UTP25: variants seen among roughly 807,000 people sequenced by gnomAD.
The protein encoded by UTP25 is UTP25 small subunit processome component, also known as U3 small nucleolar RNA-associated protein 25 homolog.
A neutral mutation model predicts 78.9 loss-of-function variants in UTP25; 50 were observed. The ratio of observed to expected loss-of-function variants is 0.63; its 90% CI spans 0.50 to 0.80. The LOEUF (loss-of-function observed/expected upper bound fraction) is 0.80. Among genes scored for constraint, UTP25 ranks in the 30% least tolerant of loss-of-function variants. The probability of loss-of-function intolerance (pLI) is 0.00; values close to 1 mark genes in which losing one functional copy is unlikely to be tolerated. For missense variants in UTP25, 846 were observed against 911.3 expected, an observed-to-expected ratio of 0.93 and a Z score of 0.92; for synonymous variants, 329 against 336.5, an observed-to-expected ratio of 0.98 and a Z score of 0.24.
At chr1:209,847,025 G>A (rs2078201009) in intron 11 of UTP25, among the ~76,000 whole-genome samples, 1 of 151,866 alleles carries the variant, frequency 6.6e-6, no homozygotes. Flanking sequence ...ATGCACACGT[G>A]CACACACACA....
chr1:209,851,579 T>C lies in UTP25; in HGVS notation c.*132T>C, dbSNP rs145935429. ...AGTGCATGAGGCAATGTCAGTATTA[T>C]CTGACATCTTTCTTTTCAGGTCATG... On this transcript the variant is annotated 3_prime_UTR_variant, in exon 12 of 12. Transcript: ENST00000491415. 483 of 1,167,776 alleles carry C rather than the reference T, an allele frequency of 4.1e-4. No homozygotes were observed. In the African/African-American group the frequency reaches 4.4e-3, roughly 11 times the overall value. The allele number at this position is 1,167,776 out of a possible 1,614,324, so 72.3% of individuals were successfully genotyped here. A position where few individuals can be genotyped will look rare whatever the true frequency, so the allele number is the denominator to read the frequency against.
chr1:209,850,690 G>A (rs908654333), intron 11 of UTP25, among the ~76,000 whole-genome samples: 1 of 152,208 alleles, frequency 6.6e-6, no homozygotes, highest in Non-Finnish European at 1.5e-5. Flanking sequence ...CTTGGGCAGG[G>A]TTTTGTAAAT....
At chr1:209,849,316 T>C (rs1181050037) in intron 11 of UTP25, among the ~76,000 whole-genome samples, 1 of 152,080 alleles carries the variant, frequency 6.6e-6, no homozygotes, top group East Asian at 1.9e-4. Flanking sequence ...ACTCTGCTTG[T>C]ATCAGTGCAG....
chr1:209,839,614 GTC>G (rs1479050565), intron 7 of UTP25, among the ~76,000 whole-genome samples: 1 of 152,138 alleles, frequency 6.6e-6, no homozygotes, highest in Non-Finnish European at 1.5e-5. Flanking sequence ...ATTTTTGCTT[GTC>G]TCTCATTCAG....
rs1016727489 is a variant in UTP25 at position 209,840,626 on chromosome 1, A to G, written c.1283-227A>G. ...AGAGAATTCTCTGGAGCAGTTTGATAGTGACGGAAAGGAAGAGAAGGTAGA... is the reference window on the plus strand; with the variant it reads ...AGAGAATTCTCTGGAGCAGTTTGATGGTGACGGAAAGGAAGAGAAGGTAGA... On this transcript the variant is annotated intron_variant, in intron 7 of 11. Coordinates refer to ENST00000491415, the MANE Select transcript of UTP25 (RefSeq NM_014388.7). 4.9e-4 allele frequency among the ~76,000 whole-genome samples: 75 copies of G among 152,218 alleles called. 1 individual carries two copies. The highest frequency in any genetic ancestry group is 1.3e-4 in the Admixed American group (2 of 15,294).
intron 3 of UTP25, among the ~76,000 whole-genome samples, chr1:209,831,897 AC>A (rs2078105821): frequency 6.6e-6 from 1 of 151,992 alleles, no homozygotes; most frequent in South Asian, 2.1e-4. Flanking sequence ...TTAGTCACTT[AC>A]TACTTTTTAG....
rs1202643875 is a variant in UTP25 at position 209,856,421 on chromosome 1, C to T, written c.*4974C>T. ...AAAACTCAGAGGAGCACCACTTTTA[C>T]CTTCTGCTCTTCCCTTTTTCCTGCC... On this transcript the variant is annotated 3_prime_UTR_variant, in exon 12 of 12. Coordinates refer to ENST00000491415, the MANE Select transcript of UTP25 (RefSeq NM_014388.7). The T allele has an allele frequency of 1.3e-5, 2 of 152,190 alleles. No individual in the cohort carries two copies. Among genetic ancestry groups the T allele is most frequent in the Non-Finnish European group, 2.9e-5 (2 of 68,048 alleles). 9.4% of individuals were successfully genotyped at this position (152,190 alleles called of 1,614,324 possible).
intron 2 of UTP25, among the ~76,000 whole-genome samples, 157 bp from the exon 3 acceptor site, chr1:209,830,646 G>A (rs2078098005): frequency 6.6e-6 from 1 of 152,150 alleles, no homozygotes; most frequent in Non-Finnish European, 1.5e-5. Context: ...GTAGCAGTTT[G>A]GAGCATATGA....
chr1:209,834,310 G>A (rs1007305430), intron 4 of UTP25, among the ~76,000 whole-genome samples: 3 of 152,180 alleles, frequency 2.0e-5, no homozygotes, highest in Non-Finnish European at 2.9e-5. Flanking sequence ...TGGATGCTTG[G>A]ATGGGTCATT....
rs1279782614 is a variant in UTP25 at position 209,856,553 on chromosome 1, A to T, written c.*5106A>T. Reference sequence around the variant, plus strand: ...TGCAAGGATGTTGTAGAGCTGCCATACCAGTCCTGCATGGTATTCCTGTGC... The same window carrying T: ...TGCAAGGATGTTGTAGAGCTGCCATTCCAGTCCTGCATGGTATTCCTGTGC... On this transcript the variant is annotated 3_prime_UTR_variant, in exon 12 of 12. Coordinates refer to ENST00000491415, the MANE Select transcript of UTP25 (RefSeq NM_014388.7). 1 of 152,322 alleles carries T rather than the reference A, an allele frequency of 6.6e-6. No individual in the cohort carries two copies. The highest frequency in any genetic ancestry group is 1.5e-5 in the Non-Finnish European group (1 of 68,090). The allele number at this position is 152,322 out of a possible 1,614,324, so 9.4% of individuals were successfully genotyped here. A position where few individuals can be genotyped will look rare whatever the true frequency, so the allele number is the denominator to read the frequency against.
chr1:209,846,320 GA>G (rs2078196639), intron 11 of UTP25, among the ~76,000 whole-genome samples: 2 of 152,194 alleles, frequency 1.3e-5, no homozygotes, highest in African/African-American at 4.8e-5. Flanking sequence ...CAGAATCTTA[GA>G]ATTGGATGAA....
chr1:209,830,712 T>C (rs541310644), intron 2 of UTP25, 91 bp from the exon 3 acceptor site: 14 of 1,488,158 alleles, frequency 9.4e-6, no homozygotes, highest in African/African-American at 8.5e-5. Context: ...GAATTTGGGC[T>C]TCGTTGAATA....
At chr1:209,841,149 A>G (rs2078165153) in intron 8 of UTP25, 94 bp downstream of exon 8, 3 of 1,329,968 alleles carry the variant, frequency 2.3e-6, no homozygotes, top group South Asian at 2.6e-5. Flanking sequence ...ATTTAAGTCC[A>G]GATTAGAACT....
chr1:209,831,447 A>C (rs2078103059), intron 3 of UTP25, among the ~76,000 whole-genome samples: 1 of 152,220 alleles, frequency 6.6e-6, no homozygotes, highest in African/African-American at 2.4e-5. Flanking sequence ...GATTGCATGG[A>C]ACAGCTAGAT....
chr1:209,857,466 C>T lies in UTP25; in HGVS notation c.*6019C>T, dbSNP rs1454039618. 6.6e-6 allele frequency: 1 copy of T among 152,076 alleles called. No homozygotes were observed. Among genetic ancestry groups the T allele is most frequent in the Non-Finnish European group, 1.5e-5 (1 of 68,014 alleles). 9.4% of individuals were successfully genotyped at this position (152,076 alleles called of 1,614,324 possible). A position where few individuals can be genotyped will look rare whatever the true frequency, so the allele number is the denominator to read the frequency against. Reference sequence around the variant, plus strand: ...TCTATTTGGTGATCATTATTAATGTCTTATGTTTCCTCCCAGATTGTTTTC... The same window carrying T: ...TCTATTTGGTGATCATTATTAATGTTTTATGTTTCCTCCCAGATTGTTTTC... On this transcript the variant is annotated 3_prime_UTR_variant, in exon 12 of 12. Transcript: ENST00000491415.
At chr1:209,841,894 T>C (rs751925176) in intron 8 of UTP25, among the ~76,000 whole-genome samples, 3 of 152,214 alleles carry the variant, frequency 2.0e-5, no homozygotes, top group Admixed American at 2.0e-4. Context: ...ATTCCTAATG[T>C]TTTGAGAACC....
intron 3 of UTP25, among the ~76,000 whole-genome samples, chr1:209,832,336 C>T (rs181437449): frequency 7.2e-5 from 11 of 152,054 alleles, no homozygotes; most frequent in African/African-American, 2.7e-4. Flanking sequence ...TATACATTTC[C>T]GTAACTTCCT....
rs575731105 is a variant in UTP25 at position 209,856,381 on chromosome 1, C to A, written c.*4934C>A. On this transcript the variant is annotated 3_prime_UTR_variant, in exon 12 of 12. Transcript: ENST00000491415. The stretch of plus-strand genomic sequence containing the variant: ...AAGCACTAACTACTGAGCAGGACTT[C>A]TAGGGGAGTTCTTTAAAACTCAGAG... 6.6e-6 allele frequency: 1 copy of A among 152,200 alleles called. No homozygotes were observed. Among genetic ancestry groups the A allele is most frequent in the African/African-American group, 2.4e-5 (1 of 41,444 alleles). The allele number at this position is 152,200 out of a possible 1,614,324, so 9.4% of individuals were successfully genotyped here.
In UTP25 at chr1:209,851,369, C is replaced by T. The variant is rs779421797; in HGVS notation, c.2193C>T (p.Ala731=). ...AATATGATGCCCAGAGGTTAGCTGC[C>T]GTGGTTGGTGTGGAGCGGGCGGCAC... ...YSKYDAQRLA[A]VVGVERAAQM... is the part of the protein sequence containing the mutation. Residue 731 remains alanine (A), a synonymous_variant, in exon 12 of 12, where the codon GCC becomes GCT. Coordinates refer to ENST00000491415, the MANE Select transcript of UTP25 (RefSeq NM_014388.7). 21 of 1,614,186 alleles carry T rather than the reference C, an allele frequency of 1.3e-5. No homozygotes were observed. Among genetic ancestry groups the T allele is most frequent in the Middle Eastern group, 1.6e-4 (1 of 6,062 alleles).
Sources: gnomAD v4.1 joint callset for allele counts (sites outside exome capture counted in the v4.1 genomes callset) on GRCh38, gnomAD v4.1.1 for gene constraint, MANE v1.5 for transcripts, NCBI Gene and HGNC (gene_info 2026-07-23, HGNC 2026-07-21) for gene names.